VRK2: variants seen among roughly 807,000 people sequenced by gnomAD.
The protein encoded by VRK2 is serine/threonine-protein kinase VRK2.
In VRK2, 60 loss-of-function variants were observed where a neutral mutation model predicts 57.6. The ratio of observed to expected loss-of-function variants is 1.04; its 90% CI spans 0.85 to 1.29. The LOEUF is 1.29. VRK2 is among the 50% of genes most tolerant of loss of function. VRK2 has a pLI of 0.00. For missense variants in VRK2, 705 were observed against 588.1 expected (o/e 1.20, Z -2.06); for synonymous variants, 231 against 199.2 (o/e 1.16, Z -1.35).
At chr2:58,083,353 CTT>C (rs1188694015) in intron 2 of VRK2, among the ~76,000 whole-genome samples, 1 of 151,734 alleles carries the variant, frequency 6.6e-6, no homozygotes, top group African/African-American at 2.4e-5. Context: ...TGAAAACAAT[CTT>C]TTAATAATTT....
At chr2:57,959,458 C>T (rs1482664767) in intron 1 of VRK2, among the ~76,000 whole-genome samples, 1 of 152,130 alleles carries the variant, frequency 6.6e-6, no homozygotes, top group East Asian at 1.9e-4. Flanking sequence ...TCTTTGTGAA[C>T]TAATTGGCTC....
chr2:58,077,645 T>G (rs1292168079), intron 2 of VRK2, among the ~76,000 whole-genome samples: 2 of 152,008 alleles, frequency 1.3e-5, no homozygotes, highest in Non-Finnish European at 1.5e-5. Context: ...GCATAGTAAT[T>G]TTCTGGGAGA....
intron 8 of VRK2, among the ~76,000 whole-genome samples, chr2:58,127,764 G>A (rs1331410619): frequency 6.6e-6 from 1 of 152,144 alleles, no homozygotes; most frequent in Non-Finnish European, 1.5e-5. Context: ...TCTGCTTGAT[G>A]CAGAAATTTT....
chr2:57,908,096 T>C (rs1421093935), intron 1 of VRK2, among the ~76,000 whole-genome samples: 8 of 152,150 alleles, frequency 5.3e-5, no homozygotes, highest in African/African-American at 1.7e-4. Context: ...AAGGAACTTC[T>C]GGAAGGCAAA....
intron 1 of VRK2, among the ~76,000 whole-genome samples, chr2:57,982,541 G>A (rs1044706322): frequency 1.2e-4 from 18 of 152,296 alleles, no homozygotes; most frequent in Middle Eastern, 3.4e-3. Flanking sequence ...CTGCAGGCTG[G>A]TATACATTGG....
intron 7 of VRK2, among the ~76,000 whole-genome samples, chr2:58,116,249 A>C (rs12465171): frequency 0.068 from 10,349 of 152,006 alleles, 454 homozygotes; most frequent in Admixed American, 0.085. Context: ...GAGTAGAGGT[A>C]TCTTATACTT....
chr2:58,017,353 G>A (rs894962538), intron 1 of VRK2, among the ~76,000 whole-genome samples: 1 of 152,134 alleles, frequency 6.6e-6, no homozygotes, highest in Non-Finnish European at 1.5e-5. Flanking sequence ...TCCCAGCTCT[G>A]TTCAAATATT....
intron 2 of VRK2, among the ~76,000 whole-genome samples, chr2:58,079,851 G>C (rs1447004382): frequency 1.3e-5 from 2 of 151,918 alleles, no homozygotes; most frequent in East Asian, 3.9e-4. Flanking sequence ...TTTCTACTGA[G>C]AGATTATTCC....
chr2:58,123,420 T>G (rs1186686240), intron 8 of VRK2, among the ~76,000 whole-genome samples, 187 bp downstream of exon 8: 3 of 152,192 alleles, frequency 2.0e-5, no homozygotes, highest in Non-Finnish European at 4.4e-5. Context: ...GAAAGAAATT[T>G]AGACTGTGAC....
intron 1 of VRK2, among the ~76,000 whole-genome samples, chr2:57,933,825 G>A (rs921668943): frequency 6.6e-6 from 1 of 152,036 alleles, no homozygotes; most frequent in Non-Finnish European, 1.5e-5. Flanking sequence ...TCCTCTCGCT[G>A]TCTTCCTTTG....
At chr2:57,976,928 T>C (rs1282168722) in intron 1 of VRK2, among the ~76,000 whole-genome samples, 2 of 152,194 alleles carry the variant, frequency 1.3e-5, no homozygotes, top group Admixed American at 6.6e-5. Flanking sequence ...AGTTTCAATC[T>C]TCTGTACATG....
At chr2:58,151,222 T>C (rs1170047256) in intron 12 of VRK2, among the ~76,000 whole-genome samples, 1 of 151,588 alleles carries the variant, frequency 6.6e-6, no homozygotes, top group Non-Finnish European at 1.5e-5. Flanking sequence ...TTCTATACAT[T>C]TTTGCTTCTA....
intron 6 of VRK2, among the ~76,000 whole-genome samples, chr2:58,089,209 A>G (rs544820473): frequency 6.6e-6 from 1 of 152,206 alleles, no homozygotes; most frequent in Admixed American, 6.5e-5. Flanking sequence ...GCTCATGGAC[A>G]TGGCATTTTG....
At chr2:58,015,221 T>C (rs890102842) in intron 1 of VRK2, among the ~76,000 whole-genome samples, 2 of 152,210 alleles carry the variant, frequency 1.3e-5, no homozygotes, top group African/African-American at 4.8e-5. Context: ...TTTGCCATCA[T>C]TTTTCATCTT....
At position 58,084,889 on chromosome 2, in the gene VRK2, A is replaced by G; in HGVS notation, c.195A>G (p.Gln65=). The part of the protein sequence containing the change: ...DARHVVKVEY[Q]ENGPLFSELK... ...TATTCTTTTTTTTATAGGAATATCA[A>G]GAAAATGGCCCGTTATTTTCAGAAC... Residue 65 remains glutamine (Q), a synonymous_variant, in exon 4 of 13, where the codon CAA becomes CAG. Coordinates refer to ENST00000340157, the MANE Select transcript of VRK2 (RefSeq NM_006296.7). 6.4e-7 allele frequency: 1 copy of G among 1,572,952 alleles called. No homozygotes were observed. The highest frequency in any genetic ancestry group is 8.6e-7 in the Non-Finnish European group (1 of 1,158,832).
At chr2:57,997,445 A>T (rs1342292374) in intron 1 of VRK2, among the ~76,000 whole-genome samples, 1 of 152,170 alleles carries the variant, frequency 6.6e-6, no homozygotes, top group Admixed American at 6.5e-5. Flanking sequence ...TATGCATTGA[A>T]GTGACGGATT....
At chr2:58,065,677 C>T (rs147859634) in intron 2 of VRK2, among the ~76,000 whole-genome samples, 2 of 152,160 alleles carry the variant, frequency 1.3e-5, no homozygotes, top group East Asian at 3.9e-4. Flanking sequence ...TGAGCTAAAT[C>T]TATTGATAAA....
intron 7 of VRK2, among the ~76,000 whole-genome samples, chr2:58,093,863 A>G (rs1352737047): frequency 1.3e-5 from 2 of 152,216 alleles, no homozygotes; most frequent in Non-Finnish European, 2.9e-5. Context: ...GAAGGGATCC[A>G]GTTTCAGCTT....
At chr2:58,059,690 G>T (rs1010373162) in intron 2 of VRK2, among the ~76,000 whole-genome samples, 3 of 151,666 alleles carry the variant, frequency 2.0e-5, no homozygotes, top group Non-Finnish European at 4.4e-5. Flanking sequence ...CAGTAGTAAT[G>T]ATTATTATAT....
Sources: gnomAD v4.1 joint callset for allele counts (sites outside exome capture counted in the v4.1 genomes callset) on GRCh38, gnomAD v4.1.1 for gene constraint, MANE v1.5 for transcripts, NCBI Gene and HGNC (gene_info 2026-07-23, HGNC 2026-07-21) for gene names.